Variants in PCSK2 observed in about 807,000 individuals in gnomAD.
PCSK2 encodes proprotein convertase subtilisin/kexin type 2.
PCSK2 carries 14 observed loss-of-function variants against 69.7 expected under a neutral mutation model. The observed-to-expected ratio is 0.20, with a 90% CI of 0.13 to 0.31. PCSK2 has a LOEUF of 0.31. Ranked by LOEUF, PCSK2 falls within the 10% of genes least tolerant of loss-of-function variation. The probability of loss-of-function intolerance (pLI) is 1.00; values close to 1 mark genes in which losing one functional copy is unlikely to be tolerated. For missense variants in PCSK2, 544 were observed against 842.5 expected, an observed-to-expected ratio of 0.65 and a Z score of 4.39; for synonymous variants, 307 against 320.7, an observed-to-expected ratio of 0.96 and a Z score of 0.46.
intron 11 of PCSK2, among the ~76,000 whole-genome samples, chr20:17,471,159 T>G (rs2033194600): frequency 6.6e-6 from 1 of 152,152 alleles, no homozygotes; most frequent in Non-Finnish European, 1.5e-5. Context: ...GGGCGTATGC[T>G]GAGATGAACG....
chr20:17,238,564 C>T (rs779551417), intron 1 of PCSK2, among the ~76,000 whole-genome samples: 17 of 152,176 alleles, frequency 1.1e-4, no homozygotes, highest in Non-Finnish European at 2.1e-4. Context: ...TGCTCATTGG[C>T]GGTGGTTTAG....
chr20:17,430,502 C>G (rs1040036675), intron 7 of PCSK2, among the ~76,000 whole-genome samples: 1 of 152,200 alleles, frequency 6.6e-6, no homozygotes, highest in African/African-American at 2.4e-5. Context: ...GTAACCTATA[C>G]AAACCCACTA....
chr20:17,236,097 G>T (rs142802482), intron 1 of PCSK2, among the ~76,000 whole-genome samples: 1 of 151,992 alleles, frequency 6.6e-6, no homozygotes, highest in Non-Finnish European at 1.5e-5. Context: ...AAACTCTATT[G>T]CAGATACTTC....
At chr20:17,257,864 C>G (rs556715199) in intron 1 of PCSK2, among the ~76,000 whole-genome samples, 2 of 152,270 alleles carry the variant, frequency 1.3e-5, no homozygotes, top group East Asian at 3.9e-4. Flanking sequence ...CTTTGTAAAG[C>G]CTTCAATGGA....
intron 2 of PCSK2, among the ~76,000 whole-genome samples, chr20:17,268,033 G>GTATGTATATATATAGATATATA (rs1433692727): frequency 4.5e-5 from 3 of 66,340 alleles, no homozygotes; most frequent in African/African-American, 6.0e-5. Context: ...TATCCAATGT[G>GTATGTATATATATAGATATATA]TATATATATA....
intron 11 of PCSK2, among the ~76,000 whole-genome samples, chr20:17,480,314 C>G (rs550995654): frequency 1.3e-5 from 2 of 151,640 alleles, no homozygotes; most frequent in African/African-American, 4.8e-5. Flanking sequence ...CTCAGCCTCC[C>G]AAGTAGCTGG....
intron 1 of PCSK2, among the ~76,000 whole-genome samples, chr20:17,254,847 A>C (rs1431291904): frequency 6.6e-6 from 1 of 152,196 alleles, no homozygotes; most frequent in African/African-American, 2.4e-5. Flanking sequence ...AATTTCTTTC[A>C]GTGATGCTTT....
At chr20:17,436,254 C>CCTGCCCT (rs1347973721) in intron 7 of PCSK2, among the ~76,000 whole-genome samples, 1 of 152,146 alleles carries the variant, frequency 6.6e-6, no homozygotes, top group African/African-American at 2.4e-5. Context: ...CTCTCTGTCC[C>CCTGCCCT]CTGCCCTCTG....
At chr20:17,429,938 A>G (rs1223162656) in intron 7 of PCSK2, among the ~76,000 whole-genome samples, 1 of 152,194 alleles carries the variant, frequency 6.6e-6, no homozygotes, top group African/African-American at 2.4e-5. Flanking sequence ...ATTGTCAGTC[A>G]CTACTCTTCT....
At chr20:17,479,337 C>T (rs1004744995) in intron 11 of PCSK2, 2 of 754,260 alleles carry the variant, frequency 2.7e-6, no homozygotes, top group Non-Finnish European at 4.8e-6. Flanking sequence ...ATAATCTTCA[C>T]CACCTAAAAC....
chr20:17,286,001 A>C (rs1397990937), intron 2 of PCSK2, among the ~76,000 whole-genome samples: 1 of 152,218 alleles, frequency 6.6e-6, no homozygotes, highest in Non-Finnish European at 1.5e-5. Flanking sequence ...ATTGTATTTT[A>C]TGTGAGTTTT....
chr20:17,338,859 C>T (rs963236818), intron 2 of PCSK2, among the ~76,000 whole-genome samples: 1 of 152,142 alleles, frequency 6.6e-6, no homozygotes, highest in Non-Finnish European at 1.5e-5. Context: ...AATCTCAACA[C>T]ACTAGTGCGA....
chr20:17,316,906 T>TA (rs1174590758), intron 2 of PCSK2, among the ~76,000 whole-genome samples: 2 of 152,158 alleles, frequency 1.3e-5, no homozygotes, highest in Non-Finnish European at 1.5e-5. Context: ...GTGCAGGCTT[T>TA]AAAAAAATCT....
At chr20:17,462,703 A>G (rs1262602430) in intron 10 of PCSK2, among the ~76,000 whole-genome samples, 13 of 152,114 alleles carry the variant, frequency 8.5e-5, no homozygotes. Context: ...CCATACAATC[A>G]CTTCATTGCG....
At position 17,402,814 on chromosome 20, in the gene PCSK2, A is replaced by G. The variant is rs561345209; in HGVS notation, c.544-6449A>G. On this transcript the variant is annotated intron_variant, in intron 5 of 11. Transcript: ENST00000262545. ...TAAAAGTACAAAAACAAAATTAGCC[A>G]GGCGTGGTGGTGGGCTCCTGTAGTC... Among the ~76,000 whole-genome samples the G allele has an allele frequency of 1.2e-4, 19 of 152,136 alleles. No individual in the cohort carries two copies. The East Asian group carries it at 3.3e-3, about 26-fold the overall frequency.
At chr20:17,476,139 G>A (rs928814079) in intron 11 of PCSK2, among the ~76,000 whole-genome samples, 3 of 152,184 alleles carry the variant, frequency 2.0e-5, no homozygotes, top group South Asian at 4.1e-4. Flanking sequence ...CCTCCAGAGA[G>A]GTGGCCAGAA....
intron 11 of PCSK2, among the ~76,000 whole-genome samples, chr20:17,471,793 C>T (rs1016599933): frequency 9.9e-5 from 15 of 152,236 alleles, no homozygotes; most frequent in African/African-American, 3.4e-4. Context: ...CCAGGGCTGG[C>T]TGTGCCGCTT....
At chr20:17,443,408 T>A (rs968213618) in intron 8 of PCSK2, among the ~76,000 whole-genome samples, 6 of 152,058 alleles carry the variant, frequency 3.9e-5, no homozygotes, top group African/African-American at 1.4e-4. Flanking sequence ...TAGGATGAAA[T>A]TTTTGATGCA....
intron 11 of PCSK2, among the ~76,000 whole-genome samples, chr20:17,469,128 C>G (rs1337571616): frequency 1.3e-5 from 2 of 152,254 alleles, no homozygotes; most frequent in Non-Finnish European, 2.9e-5. Flanking sequence ...TCCAAAGCTT[C>G]TGTGTCCACA....
Sources: allele counts gnomAD v4.1 joint callset (sites outside exome capture counted in the v4.1 genomes callset), GRCh38; gene constraint gnomAD v4.1.1; transcripts MANE v1.5; gene names NCBI Gene and HGNC (gene_info 2026-07-23, HGNC 2026-07-21).